Variants in NAV2 observed in about 807,000 individuals in gnomAD.
NAV2 encodes helicase, APC down-regulated 1.
In NAV2, 54 loss-of-function variants were observed where a neutral mutation model predicts 223.2. The observed-to-expected ratio is 0.24, with a 90% CI of 0.19 to 0.30. The LOEUF (loss-of-function observed/expected upper bound fraction) is 0.30, where lower values mean the gene tolerates loss of function less well. Among genes scored for constraint, NAV2 ranks in the 10% least tolerant of loss-of-function variants. NAV2 has a pLI of 1.00. For missense variants in NAV2, 2,806 were observed against 3,147.5 expected (o/e 0.89, Z 2.60); for synonymous variants, 1,279 against 1,239.3 (o/e 1.03, Z -0.67).
intron 3 of NAV2, among the ~76,000 whole-genome samples, chr11:19,865,935 T>A (rs1465846852): frequency 6.6e-6 from 1 of 152,236 alleles, no homozygotes; most frequent in Non-Finnish European, 1.5e-5. Context: ...AGAAGGATTA[T>A]CTAAATTCAG....
chr11:19,710,462 A>G (rs1277042571), upstream of NAV2, among the ~76,000 whole-genome samples: 39 of 152,272 alleles, frequency 2.6e-4, no homozygotes, highest in Admixed American at 2.2e-3. Flanking sequence ...TATATTCATT[A>G]GGGCAGAATA....
At position 19,978,352 on chromosome 11, in the gene NAV2, A is replaced by G. The variant is rs141704170; in HGVS notation, c.2646-5773A>G. On this transcript the variant is annotated intron_variant, in intron 10 of 37. Coordinates refer to ENST00000349880, the MANE Select transcript of NAV2 (RefSeq NM_145117.5). ...GTAGAGGGGCCTGTGAAAGCATATG[A>G]TGTTTGGGGATCTGGATGTTGATGA... 4.2e-3 allele frequency among the ~76,000 whole-genome samples: 642 copies of G among 152,296 alleles called. 3 individuals are homozygous for G. The highest frequency in any genetic ancestry group is 0.015 in the African/African-American group (611 of 41,558).
At chr11:19,538,260 T>C (rs1187445082) in intron 1 of NAV2, among the ~76,000 whole-genome samples, 1 of 152,256 alleles carries the variant, frequency 6.6e-6, no homozygotes, top group Non-Finnish European at 1.5e-5. Flanking sequence ...ATTGTCATCA[T>C]TGAGCTTGAC....
At chr11:20,057,268 G>A (rs144283404) in intron 19 of NAV2, among the ~76,000 whole-genome samples, 2 of 152,310 alleles carry the variant, frequency 1.3e-5, no homozygotes, top group African/African-American at 4.8e-5. Flanking sequence ...CTTTTGCCTA[G>A]TGTTCTTTTT....
chr11:19,948,483 C>T (rs138687155), intron 9 of NAV2, among the ~76,000 whole-genome samples: 14 of 152,180 alleles, frequency 9.2e-5, no homozygotes, highest in Admixed American at 2.0e-4. Context: ...GGAAAGTCTC[C>T]GGTAGGCTTT....
chr11:19,448,582 A>G (rs1402146844), intron 1 of NAV2, among the ~76,000 whole-genome samples: 5 of 152,210 alleles, frequency 3.3e-5, no homozygotes, highest in African/African-American at 1.2e-4. Context: ...TTTGCTATTT[A>G]GTCGGACATT....
In NAV2 at chr11:20,083,103, C is replaced by T. The variant is rs2060191694; in HGVS notation, c.5422C>T (p.Pro1808Ser). ...DIEEMTDSSL[P>S]SSPKLPHNGS... The stretch of plus-strand genomic sequence containing the variant: ...TGAGGAGATGACGGATTCTTCTTTG[C>T]CTTCCTCACCAAAGTTACCGCACAA... The change falls in exon 26 of 38, where the codon CCT becomes TCT. Residue 1808 changes from proline to serine, a missense_variant. By Grantham distance (74) the Pro-to-Ser change is moderately conservative. This residue lies in a region of NAV2 where 824 missense variants were observed against 1,069.4 expected (regional missense o/e 0.77). Coordinates refer to ENST00000349880, the MANE Select transcript of NAV2 (RefSeq NM_145117.5). 6.2e-7 allele frequency: 1 copy of T among 1,614,074 alleles called. No homozygotes were observed. The highest frequency in any genetic ancestry group is 8.5e-7 in the Non-Finnish European group (1 of 1,179,944).
In NAV2 at chr11:20,077,553, C is replaced by A; in HGVS notation, c.4985C>A (p.Ala1662Asp). The A allele has an allele frequency of 6.2e-7, 1 of 1,612,848 alleles. No individual in the cohort carries two copies. The highest frequency in any genetic ancestry group is 1.3e-5 in the African/African-American group (1 of 75,022). Residue 1662 changes from alanine (A) to aspartate (D), a missense_variant and splice_region_variant, in exon 23 of 38, where the codon GCT (alanine) becomes GAT (aspartate). Ala to Asp is a moderately radical substitution (Grantham distance 126). This residue lies in a region of NAV2 where 824 missense variants were observed against 1,069.4 expected (regional missense o/e 0.77). Transcript: ENST00000349880. The stretch of plus-strand genomic sequence containing the variant: ...CTGAGGTTGTGTCTTCCCCTCCAGG[C>A]TCACCTTGTGGCAGCCTTTGAACAG... ...SALTTQLTAN[A>D]HLVAAFEQSL...
chr11:20,081,550 A>T (rs1032255245), intron 25 of NAV2, among the ~76,000 whole-genome samples: 1 of 152,144 alleles, frequency 6.6e-6, no homozygotes, highest in African/African-American at 2.4e-5. Context: ...CTGGCTTTTC[A>T]CCAGAGGTAG....
rs1361924156 is a variant in NAV2, at chr11:19,707,131, G to C, written c.76-125353G>C. ...GGGTGAGTCAGTGAGTGAGTGGTGA[G>C]AGAATGTAAAGGCCTAGGACATTGC... On this transcript the variant is annotated intron_variant, in intron 1 of 37. Coordinates refer to the NAV2 transcript ENST00000360655. 2.0e-5 allele frequency among the ~76,000 whole-genome samples: 3 copies of C among 152,192 alleles called. No homozygotes were observed. The East Asian group carries it at 5.8e-4, about 29-fold the overall frequency.
chr11:19,668,056 C>T (rs904883673), intron 1 of NAV2, among the ~76,000 whole-genome samples: 5 of 152,186 alleles, frequency 3.3e-5, no homozygotes, highest in Non-Finnish European at 4.4e-5. Flanking sequence ...TATTCTCTCC[C>T]TCTATTCCCA....
At chr11:20,112,916 C>A (rs778637518) in intron 36 of NAV2, among the ~76,000 whole-genome samples, 29 of 152,218 alleles carry the variant, frequency 1.9e-4, no homozygotes, top group Non-Finnish European at 3.8e-4. Flanking sequence ...GCTCTCTGTA[C>A]CCTCTCCACG....
chr11:20,115,406 G>A (rs983484587), intron 37 of NAV2, among the ~76,000 whole-genome samples: 13 of 152,132 alleles, frequency 8.5e-5, no homozygotes, highest in Non-Finnish European at 1.5e-4. Flanking sequence ...AGGCCAAGGC[G>A]GGTGGATCGA....
chr11:19,619,185 T>A (rs1030815509), intron 1 of NAV2, among the ~76,000 whole-genome samples: 22 of 151,656 alleles, frequency 1.5e-4, no homozygotes, highest in African/African-American at 5.3e-4. Flanking sequence ...TGGTTCCAAG[T>A]CTTTGCTATT....
intron 1 of NAV2, among the ~76,000 whole-genome samples, chr11:19,428,890 C>A (rs748103707): frequency 6.6e-5 from 10 of 152,164 alleles, no homozygotes; most frequent in Admixed American, 3.3e-4. Flanking sequence ...TGCCTAAGAA[C>A]CTTGACGTGT....
chr11:19,404,967 C>T (rs2133344821), intron 1 of NAV2, among the ~76,000 whole-genome samples: 1 of 152,272 alleles, frequency 6.6e-6, no homozygotes, highest in Non-Finnish European at 1.5e-5. Context: ...TCTGTGCTCT[C>T]TGTCTGGAGT....
At chr11:19,624,377 G>GAGGC (rs1211978147) in intron 1 of NAV2, among the ~76,000 whole-genome samples, 1 of 152,200 alleles carries the variant, frequency 6.6e-6, no homozygotes, top group Admixed American at 6.5e-5. Context: ...GGAGTCTACA[G>GAGGC]AGGCAGGCAG....
At chr11:19,503,515 G>C (rs367739723) in intron 1 of NAV2, 2 of 152,146 alleles carry the variant, frequency 1.3e-5, no homozygotes, top group African/African-American at 4.8e-5. Context: ...CCATAGTTTG[G>C]CCTTCTCCAG....
chr11:19,538,667 A>G (rs960588155), intron 1 of NAV2, among the ~76,000 whole-genome samples: 2 of 149,490 alleles, frequency 1.3e-5, no homozygotes, highest in Non-Finnish European at 3.0e-5. Flanking sequence ...TTTTTCAATT[A>G]TAACTTTCTT....
Sources: gnomAD v4.1 joint callset for allele counts (sites outside exome capture counted in the v4.1 genomes callset) on GRCh38, gnomAD v4.1.1 for gene constraint, gnomAD v4.1.1 regional missense constraint, MANE v1.5 for transcripts, NCBI Gene and HGNC (gene_info 2026-07-23, HGNC 2026-07-21) for gene names.